The following CLHC1 variants were observed in gnomAD, a reference collection of about 807,000 sequenced individuals.
The protein encoded by CLHC1 is clathrin heavy chain linker domain containing 1.
A neutral mutation model predicts 69.5 loss-of-function variants in CLHC1; 72 were observed. The observed-to-expected ratio is 1.04, with a 90% confidence interval of 0.86 to 1.26. The LOEUF is 1.26. CLHC1 is among the 50% of genes most tolerant of loss of function. The pLI, the probability that CLHC1 is intolerant of heterozygous loss-of-function variation, is 0.00. For synonymous variants in CLHC1, 223 were observed against 224.3 expected (o/e 0.99, Z 0.05); for missense variants, 790 against 679.3 (o/e 1.16, Z -1.81).
intron 3 of CLHC1, among the ~76,000 whole-genome samples, chr2:55,220,233 G>T (rs1673980519): frequency 6.6e-6 from 1 of 152,074 alleles, no homozygotes; most frequent in Admixed American, 6.6e-5. Context: ...TTGTTCCCTA[G>T]TTCCAAATAC....
At chr2:55,223,959 C>G (rs764436982) in intron 2 of CLHC1, 1 of 152,668 alleles carries the variant, frequency 6.6e-6, no homozygotes, top group Non-Finnish European at 1.5e-5. Flanking sequence ...CCACGCCCGG[C>G]TAATTTTTGT....
chr2:55,218,997 T>C (rs1009463100), intron 3 of CLHC1, among the ~76,000 whole-genome samples: 3 of 152,308 alleles, frequency 2.0e-5, no homozygotes, highest in South Asian at 4.1e-4. Context: ...GCAAATGATA[T>C]AAGGAGATTA....
At chr2:55,198,390 G>T (rs35026006) in intron 9 of CLHC1, among the ~76,000 whole-genome samples, 70,508 of 151,844 alleles carry the variant, frequency 0.46, 16,659 homozygotes, top group East Asian at 0.51. Flanking sequence ...GTTTGAGACT[G>T]GCTGGACCAA....
At chr2:55,231,252 G>GA (rs34262405) in intron 1 of CLHC1, among the ~76,000 whole-genome samples, 9,643 of 102,880 alleles carry the variant, frequency 0.094, 1,046 homozygotes, top group African/African-American at 0.28. Flanking sequence ...TCCGTCTCAC[G>GA]AAAAAAAAAA....
At chr2:55,198,239 T>C (rs986372092) in intron 9 of CLHC1, among the ~76,000 whole-genome samples, 6 of 152,208 alleles carry the variant, frequency 3.9e-5, no homozygotes, top group African/African-American at 1.4e-4. Context: ...AAGGAGTTAT[T>C]GGTCTTAAAG....
At chr2:55,198,562 G>A (rs1490285671) in intron 9 of CLHC1, among the ~76,000 whole-genome samples, 3 of 152,150 alleles carry the variant, frequency 2.0e-5, no homozygotes, top group Non-Finnish European at 2.9e-5. Context: ...GTGAGCCTGG[G>A]TGACAGAGCA....
Position 55,185,920 on chromosome 2 carries a change from G to A in CLHC1, c.1007-4176C>T, listed in dbSNP as rs193183751. Among the ~76,000 whole-genome samples, 431 of 152,202 alleles carry A rather than the reference G, an allele frequency of 2.8e-3. 1 individual carries two copies. Among genetic ancestry groups the A allele is most frequent in the Middle Eastern group, 0.027 (8 of 294 alleles). On this transcript the variant is annotated intron_variant, in intron 9 of 12. Transcript: ENST00000401408. ...AGCTTTAATATGTCTTAAAAACTAG[G>A]TTTTATACAAACTTTTAAAAACAGA...
intron 11 of CLHC1, 40 bp downstream of exon 11, chr2:55,180,470 A>G (rs1669820096): frequency 6.9e-7 from 1 of 1,457,840 alleles, no homozygotes. Context: ...ATTAAAGCCC[A>G]GAATTCAAAT....
At chr2:55,201,925 C>T (rs1048231786) in intron 9 of CLHC1, among the ~76,000 whole-genome samples, 1 of 152,132 alleles carries the variant, frequency 6.6e-6, no homozygotes, top group Non-Finnish European at 1.5e-5. Context: ...ATGATAATTT[C>T]AAGAGATGCT....
rs371409497 is a variant in CLHC1 at position 55,187,538 on chromosome 2, G to A, written c.1007-5794C>T. Among the ~76,000 whole-genome samples the A allele has an allele frequency of 2.6e-5, 4 of 151,620 alleles. No individual in the cohort carries two copies. The East Asian group carries it at 5.8e-4, about 22-fold the overall frequency. ...GGGGCATAAGAATCACTTGAACCTG[G>A]GAGGAGGAGGAGGTTGCAGTGAGCT... On this transcript the variant is annotated intron_variant, in intron 9 of 12. Transcript: ENST00000401408.
Position 55,232,204 on chromosome 2 carries a change from T to C in CLHC1, c.-256+19A>G, listed in dbSNP as rs1434543480. ...GCCCGTTCCCACGCTCCGGAAACCA[T>C]TATTCCGCTTCATCCTACCTCCAGT... On this transcript the variant is annotated intron_variant, in intron 1 of 12. Coordinates refer to ENST00000401408, the MANE Select transcript of CLHC1 (RefSeq NM_152385.4). The C allele has an allele frequency of 3.6e-5, 6 of 164,848 alleles. No homozygotes were observed. Among genetic ancestry groups the C allele is most frequent in the Admixed American group, 2.8e-4 (5 of 17,762 alleles). 10.2% of individuals were successfully genotyped at this position (164,848 alleles called of 1,614,324 possible). A position where few individuals can be genotyped will look rare whatever the true frequency, so the allele number is the denominator to read the frequency against.
intron 9 of CLHC1, among the ~76,000 whole-genome samples, chr2:55,185,054 A>G (rs1047571657): frequency 3.3e-5 from 5 of 152,078 alleles, no homozygotes; most frequent in Non-Finnish European, 5.9e-5. Context: ...CACACATTCA[A>G]TTTTAGTTCA....
chr2:55,219,163 C>T (rs1398146635), intron 3 of CLHC1, among the ~76,000 whole-genome samples: 1 of 152,138 alleles, frequency 6.6e-6, no homozygotes, highest in Non-Finnish European at 1.5e-5. Context: ...CCTGTTGCTC[C>T]TGGCCATCTA....
chr2:55,210,123 G>C (rs1197874532), intron 5 of CLHC1, among the ~76,000 whole-genome samples: 1 of 152,140 alleles, frequency 6.6e-6, no homozygotes, highest in East Asian at 1.9e-4. Flanking sequence ...GCCTCCCAAA[G>C]TGCTGGGATT....
Position 55,175,681 on chromosome 2 carries a change from A to T in CLHC1, c.*109T>A. Reference sequence around the variant, plus strand: ...AACAAAAGTGTGATTTATTTCTGAGATCTTCTTACTCTAGATTTATTTATA... The same window carrying T: ...AACAAAAGTGTGATTTATTTCTGAGTTCTTCTTACTCTAGATTTATTTATA... On this transcript the variant is annotated 3_prime_UTR_variant, in exon 13 of 13. Transcript: ENST00000401408. 3.0e-6 allele frequency: 2 copies of T among 669,168 alleles called. No individual in the cohort carries two copies. The highest frequency in any genetic ancestry group is 5.0e-6 in the Non-Finnish European group (2 of 399,146). 41.5% of individuals were successfully genotyped at this position (669,168 alleles called of 1,614,324 possible). A position where few individuals can be genotyped will look rare whatever the true frequency, so the allele number is the denominator to read the frequency against.
intron 4 of CLHC1, among the ~76,000 whole-genome samples, chr2:55,216,901 G>A (rs769170343): frequency 2.0e-5 from 3 of 152,038 alleles, no homozygotes; most frequent in Admixed American, 6.5e-5. Flanking sequence ...TAATCCCAGC[G>A]CTTTGGGAGG....
chr2:55,180,722 G>C lies in CLHC1; in HGVS notation c.1182-10C>G. The C allele has an allele frequency of 1.2e-6, 2 of 1,610,928 alleles. No homozygotes were observed. Among genetic ancestry groups the C allele is most frequent in the Non-Finnish European group, 1.7e-6 (2 of 1,177,300 alleles). On this transcript the variant is annotated splice_polypyrimidine_tract_variant and intron_variant, in intron 10 of 12. Coordinates refer to ENST00000401408, the MANE Select transcript of CLHC1 (RefSeq NM_152385.4). ...CTCAGAAAATGTCAGTCTAGAACAA[G>C]CAGATCAATAAGACATATGTTAGAA...
intron 9 of CLHC1, among the ~76,000 whole-genome samples, chr2:55,196,956 G>C (rs1054815496): frequency 2.0e-5 from 3 of 152,156 alleles, no homozygotes; most frequent in Non-Finnish European, 4.4e-5. Context: ...CTGAACTAGA[G>C]GGGAGCCCAC....
rs750887995 is a variant in CLHC1, at chr2:55,175,781, G to GAT, written c.*7_*8dup. On this transcript the variant is annotated 3_prime_UTR_variant, in exon 13 of 13. Transcript: ENST00000401408. ...TGTACAAGCTCCCTCAGCTGGTTAAGATATAGAACTACCAAAACACATGTT... is the reference window on the plus strand; with the variant it reads ...TGTACAAGCTCCCTCAGCTGGTTAAGATATATAGAACTACCAAAACACATGTT... The GAT allele has an allele frequency of 6.2e-7, 1 of 1,610,258 alleles. No homozygotes were observed. Among genetic ancestry groups the GAT allele is most frequent in the East Asian group, 2.2e-5 (1 of 44,810 alleles).
Sources: allele counts gnomAD v4.1 joint callset (sites outside exome capture counted in the v4.1 genomes callset), GRCh38; gene constraint gnomAD v4.1.1; transcripts MANE v1.5; gene names NCBI Gene and HGNC (gene_info 2026-07-23, HGNC 2026-07-21).